MRPS9: variants seen among roughly 807,000 people sequenced by gnomAD.
MRPS9 encodes the protein small ribosomal subunit protein uS9m.
MRPS9 carries 45 observed loss-of-function variants against 59.9 expected under a neutral mutation model. The observed-to-expected ratio is 0.75, with a 90% CI of 0.59 to 0.96. The LOEUF is 0.96. MRPS9 is among the 40% of genes least tolerant of loss of function. MRPS9 has a pLI of 0.00. For synonymous variants in MRPS9, 171 were observed against 166.8 expected, an observed-to-expected ratio of 1.03 and a Z score of -0.19; for missense variants, 473 against 481.1, an observed-to-expected ratio of 0.98 and a Z score of 0.16.
At position 105,089,194 on chromosome 2, in the gene MRPS9, G is replaced by T. The variant is rs183968009; in HGVS notation, c.575+125G>T. On this transcript the variant is annotated intron_variant, in intron 6 of 10. Coordinates refer to ENST00000258455, the MANE Select transcript of MRPS9 (RefSeq NM_182640.3). Reference sequence around the variant, plus strand: ...CAGTATTTCAGCATTAAGCATTAAGGTTAGGGTTCAAAATAATAGATAGTT... The same window carrying T: ...CAGTATTTCAGCATTAAGCATTAAGTTTAGGGTTCAAAATAATAGATAGTT... The T allele has an allele frequency of 1.6e-3, 951 of 605,740 alleles. 1 individual carries two copies. The highest frequency in any genetic ancestry group is 2.4e-3 in the Non-Finnish European group (854 of 352,278). The allele number at this position is 605,740 out of a possible 1,614,324, so 37.5% of individuals were successfully genotyped here. A position where few individuals can be genotyped will look rare whatever the true frequency, so the allele number is the denominator to read the frequency against.
intron 9 of MRPS9, among the ~76,000 whole-genome samples, chr2:105,094,820 C>T (rs543732854): frequency 6.6e-6 from 1 of 152,230 alleles, no homozygotes; most frequent in Non-Finnish European, 1.5e-5. Flanking sequence ...AACCAATAAC[C>T]TGTCTGTTGA....
At chr2:105,095,528 G>A (rs1300901705) in intron 9 of MRPS9, among the ~76,000 whole-genome samples, 3 of 130,886 alleles carry the variant, frequency 2.3e-5, no homozygotes, top group East Asian at 4.3e-4. Context: ...ATGGAGTTTC[G>A]CTCTTGTTGC....
intron 4 of MRPS9, among the ~76,000 whole-genome samples, chr2:105,076,945 G>C (rs1231032952): frequency 1.3e-5 from 2 of 151,920 alleles, no homozygotes; most frequent in East Asian, 3.9e-4. Context: ...GAAAATATCA[G>C]AGATCAGAAA....
At chr2:105,084,692 A>G (rs112583225) in intron 5 of MRPS9, among the ~76,000 whole-genome samples, 2,078 of 152,322 alleles carry the variant, frequency 0.014, 51 homozygotes, top group African/African-American at 0.048. Context: ...GCTTATTTTA[A>G]AAAAGCTACA....
chr2:105,085,561 T>C (rs939363618), intron 5 of MRPS9, among the ~76,000 whole-genome samples: 14 of 152,306 alleles, frequency 9.2e-5, no homozygotes, highest in African/African-American at 3.1e-4. Flanking sequence ...AAAATCATAG[T>C]GCTCATACTC....
chr2:105,050,500 G>A (rs190561461), intron 2 of MRPS9, among the ~76,000 whole-genome samples: 6 of 152,270 alleles, frequency 3.9e-5, no homozygotes, highest in Non-Finnish European at 8.8e-5. Flanking sequence ...CTTTGTAGCT[G>A]CTGTCCTCTT....
In MRPS9 at chr2:105,097,191, G is replaced by C. The variant is rs180719074; in HGVS notation, c.966G>C (p.Arg322=). 6 of 1,599,828 alleles carry C rather than the reference G, an allele frequency of 3.8e-6. No homozygotes were observed. The East Asian group carries it at 1.1e-4, about 30-fold the overall frequency. The change falls in exon 10 of 11, where the codon CGG becomes CGC. Residue 322 remains arginine (R), a synonymous_variant. Coordinates refer to ENST00000258455, the MANE Select transcript of MRPS9 (RefSeq NM_182640.3). The stretch of plus-strand genomic sequence containing the variant: ...TGTTCCCTTTCCACTTTGTTGACCG[G>C]CTGGGAAAGCACGACGTGACCTGCA... ...QLMFPFHFVD[R]LGKHDVTCTV...
At chr2:105,098,942 A>T (rs55703447) in intron 10 of MRPS9, among the ~76,000 whole-genome samples, 1 of 152,050 alleles carries the variant, frequency 6.6e-6, no homozygotes, top group African/African-American at 2.4e-5. Flanking sequence ...GCTCTTCCTT[A>T]TGGGCCATAG....
chr2:105,062,357 C>T (rs947070637), intron 2 of MRPS9, among the ~76,000 whole-genome samples: 4 of 152,180 alleles, frequency 2.6e-5, no homozygotes, highest in African/African-American at 4.8e-5. Context: ...TGTCAGGAAA[C>T]GCAGCCTTAC....
chr2:105,043,655 AAG>A (rs1679539755), intron 1 of MRPS9, among the ~76,000 whole-genome samples: 1 of 151,856 alleles, frequency 6.6e-6, no homozygotes, highest in African/African-American at 2.4e-5. Flanking sequence ...TTTTTGAGAC[AAG>A]AGTCTTGCTC....
At chr2:105,098,531 C>T (rs985496695) in intron 10 of MRPS9, 17 of 152,114 alleles carry the variant, frequency 1.1e-4, no homozygotes, top group Non-Finnish European at 2.9e-5. Context: ...AAGTAATTTG[C>T]TAGAATCTTA....
chr2:105,076,345 A>G (rs1370857481), intron 4 of MRPS9, among the ~76,000 whole-genome samples: 1 of 152,240 alleles, frequency 6.6e-6, no homozygotes, highest in Non-Finnish European at 1.5e-5. Flanking sequence ...GTGGAATGGC[A>G]TGTAATGATG....
intron 5 of MRPS9, among the ~76,000 whole-genome samples, chr2:105,081,376 T>G (rs1680338181): frequency 6.6e-6 from 1 of 152,242 alleles, no homozygotes; most frequent in African/African-American, 2.4e-5. Context: ...CTTTTCTACT[T>G]AATCACGGTT....
At chr2:105,093,296 T>C (rs142953258) in intron 8 of MRPS9, among the ~76,000 whole-genome samples, 1,717 of 152,334 alleles carry the variant, frequency 0.011, 11 homozygotes, top group Admixed American at 0.018. Context: ...AAAATCATTG[T>C]AGTGTTTCTA....
At chr2:105,081,789 G>A (rs557632008) in intron 5 of MRPS9, among the ~76,000 whole-genome samples, 1 of 152,264 alleles carries the variant, frequency 6.6e-6, no homozygotes, top group African/African-American at 2.4e-5. Context: ...ATCTATAGAA[G>A]AGTCCTTTGG....
At chr2:105,062,727 A>G (rs1429016380) in intron 2 of MRPS9, among the ~76,000 whole-genome samples, 1 of 152,264 alleles carries the variant, frequency 6.6e-6, no homozygotes, top group African/African-American at 2.4e-5. Flanking sequence ...AATGGAATTG[A>G]TAGTAAATAA....
chr2:105,038,912 C>T (rs1302965391), intron 1 of MRPS9, among the ~76,000 whole-genome samples: 5 of 152,126 alleles, frequency 3.3e-5, no homozygotes. Context: ...AGTAGGTCTA[C>T]GGATAGTCAA....
intron 10 of MRPS9, 155 bp downstream of exon 10, chr2:105,097,479 G>A (rs1680691777): frequency 3.1e-6 from 2 of 650,690 alleles, no homozygotes; most frequent in Non-Finnish European, 4.5e-6. Context: ...AACCATAACA[G>A]TATTTCTCAG....
chr2:105,044,958 T>C (rs1679567529), intron 1 of MRPS9, among the ~76,000 whole-genome samples: 1 of 152,158 alleles, frequency 6.6e-6, no homozygotes, highest in Admixed American at 6.5e-5. Context: ...AGGAAACTGT[T>C]GAGGTAAGAA....
Sources: gnomAD v4.1 joint callset for allele counts (sites outside exome capture counted in the v4.1 genomes callset) on GRCh38, gnomAD v4.1.1 for gene constraint, MANE v1.5 for transcripts, NCBI Gene and HGNC (gene_info 2026-07-23, HGNC 2026-07-21) for gene names.